Variants in PRICKLE2 observed in about 807,000 individuals in gnomAD.
The protein encoded by PRICKLE2 is prickle planar cell polarity protein 2, also known as prickle-like protein 2.
In PRICKLE2, 21 loss-of-function variants were observed where a neutral mutation model predicts 81.4. That is an observed-to-expected ratio of 0.26 (90% confidence interval 0.18 to 0.37). The LOEUF (loss-of-function observed/expected upper bound fraction) is 0.37, where lower values mean the gene tolerates loss of function less well. Among genes scored for constraint, PRICKLE2 ranks in the 10% least tolerant of loss-of-function variants. The probability of loss-of-function intolerance (pLI) is 1.00; values close to 1 mark genes in which losing one functional copy is unlikely to be tolerated. For synonymous variants in PRICKLE2, 456 were observed against 421.5 expected, an observed-to-expected ratio of 1.08 and a Z score of -1.00; for missense variants, 940 against 1,109.0, an observed-to-expected ratio of 0.85 and a Z score of 2.16.
chr3:64,164,951 C>T (rs779817886), intron 2 of PRICKLE2, among the ~76,000 whole-genome samples: 31 of 152,176 alleles, frequency 2.0e-4, no homozygotes, highest in Non-Finnish European at 3.7e-4. Context: ...TAAAAAAGCA[C>T]GCCCAGTCTC....
intron 2 of PRICKLE2, among the ~76,000 whole-genome samples, chr3:64,263,566 T>C (rs72884354): frequency 0.023 from 3,542 of 152,242 alleles, 137 homozygotes; most frequent in African/African-American, 0.08. Context: ...ATACAGAGAA[T>C]GCAGGAAGGG....
intron 2 of PRICKLE2, among the ~76,000 whole-genome samples, chr3:64,186,427 C>T (rs554774562): frequency 6.6e-6 from 1 of 152,304 alleles, no homozygotes; most frequent in East Asian, 1.9e-4. Context: ...GAAGCTTAGA[C>T]TCTCAAACAC....
chr3:64,147,606 C>T lies in PRICKLE2; in HGVS notation c.884G>A (p.Arg295Gln), dbSNP rs545235523. 4.4e-5 allele frequency: 71 copies of T among 1,614,164 alleles called. No homozygotes were observed. The highest frequency in any genetic ancestry group is 5.3e-5 in the Non-Finnish European group (63 of 1,180,042). Residue 295 changes from arginine (R) to glutamine (Q), a missense_variant, in exon 7 of 8, where the codon CGG becomes CAG. Arg to Gln is a conservative substitution (Grantham distance 43). Transcript: ENST00000638394. The surrounding 1 kb of genome is among the most constrained non-coding windows in gnomAD (Gnocchi z 5.0). Reference sequence around the variant, plus strand: ...CTGGCCCTGCTTCGGGAGGAATGGCCGCCCCAGGAGGGATTTCTTGCAGTG... The same window carrying T: ...CTGGCCCTGCTTCGGGAGGAATGGCTGCCCCAGGAGGGATTTCTTGCAGTG... ...CAHCKKSLLG[R>Q]PFLPKQGQIF...
intron 7 of PRICKLE2, among the ~76,000 whole-genome samples, chr3:64,118,391 T>A (rs2076972216): frequency 6.6e-6 from 1 of 151,946 alleles, no homozygotes; most frequent in African/African-American, 2.4e-5. Context: ...AAAGAAACTA[T>A]CAATGGAGTA....
chr3:64,150,082 G>A (rs369836227), intron 6 of PRICKLE2, among the ~76,000 whole-genome samples: 2 of 144,476 alleles, frequency 1.4e-5, no homozygotes, highest in Non-Finnish European at 3.0e-5. Context: ...AGACAACCCC[G>A]AGCGCCGTGG....
intron 7 of PRICKLE2, among the ~76,000 whole-genome samples, chr3:64,108,943 C>T (rs895703305): frequency 6.6e-6 from 1 of 152,110 alleles, no homozygotes; most frequent in African/African-American, 2.4e-5. Flanking sequence ...TCACACATCC[C>T]TCTGGTTGTG....
intron 7 of PRICKLE2, among the ~76,000 whole-genome samples, chr3:64,127,889 C>T (rs575687583): frequency 8.6e-5 from 13 of 152,042 alleles, no homozygotes; most frequent in Admixed American, 2.0e-4. Flanking sequence ...CTATCTTGAA[C>T]GTTTTCCCCT....
chr3:64,170,110 G>C (rs981096838), intron 2 of PRICKLE2, among the ~76,000 whole-genome samples: 1 of 152,142 alleles, frequency 6.6e-6, no homozygotes, highest in Non-Finnish European at 1.5e-5. Flanking sequence ...ATTGTACCAA[G>C]TTTGGCTCCT....
At chr3:64,127,800 G>A (rs2077133471) in intron 7 of PRICKLE2, among the ~76,000 whole-genome samples, 1 of 151,652 alleles carries the variant, frequency 6.6e-6, no homozygotes, top group Non-Finnish European at 1.5e-5. Flanking sequence ...ACCTGTAAAG[G>A]CAAACTTGGA....
Position 64,147,276 on chromosome 3 carries a change from T to C in PRICKLE2, c.1214A>G (p.Asn405Ser). The C allele has an allele frequency of 6.2e-7, 1 of 1,612,670 alleles. No homozygotes were observed. The highest frequency in any genetic ancestry group is 1.1e-5 in the South Asian group (1 of 91,026). Residue 405 changes from asparagine to serine, a missense_variant, in exon 7 of 8, where the codon AAC becomes AGC. By Grantham distance (46) the Asn-to-Ser change is conservative. Coordinates refer to ENST00000638394, the MANE Select transcript of PRICKLE2 (RefSeq NM_198859.4). This position sits in a 1 kb window ranked among gnomAD's most constrained non-coding sequence, Gnocchi z 5.0. ...CTGGGTCTGGTTCTGCTCCATCTTG[T>C]TCCCATAATGGTAGGGCTCTTCCCG... ...RSREEPYHYG[N>S]KMEQNQTQSP...
chr3:64,149,037 T>C (rs1320526330), intron 6 of PRICKLE2, among the ~76,000 whole-genome samples: 1 of 152,230 alleles, frequency 6.6e-6, no homozygotes, highest in Non-Finnish European at 1.5e-5. Context: ...GGAGCGTAAG[T>C]ACCCTTTGCT....
At chr3:64,157,747 C>G (rs2077660626) in intron 4 of PRICKLE2, among the ~76,000 whole-genome samples, 1 of 152,148 alleles carries the variant, frequency 6.6e-6, no homozygotes, top group African/African-American at 2.4e-5. Context: ...TTTAACACCA[C>G]CAGGAGTGGC....
At chr3:64,177,172 G>T (rs983392923) in intron 2 of PRICKLE2, among the ~76,000 whole-genome samples, 2 of 63,304 alleles carry the variant, frequency 3.2e-5, no homozygotes, top group Non-Finnish European at 2.8e-5. Flanking sequence ...TTTCACTCTT[G>T]TTGCCCAGGC....
intron 2 of PRICKLE2, among the ~76,000 whole-genome samples, chr3:64,238,661 G>A (rs897638693): frequency 2.0e-5 from 3 of 152,080 alleles, no homozygotes; most frequent in Admixed American, 6.5e-5. Flanking sequence ...GGCAGGAGGT[G>A]GGGTAAGGCA....
In PRICKLE2 at chr3:64,225,001, C is replaced by A; in HGVS notation, c.-132G>T. ...GTCCCAGTTCACTTTCTCCCTGGAT[C>A]TGACTTCTAAGAACGCAAGCAGGAC... is the stretch of plus-strand genomic sequence containing the variant. On this transcript the variant is annotated 5_prime_UTR_variant, in exon 1 of 8. Coordinates refer to ENST00000638394, the MANE Select transcript of PRICKLE2 (RefSeq NM_198859.4). 1.0e-6 allele frequency: 1 copy of A among 985,482 alleles called. No homozygotes were observed. The allele number at this position is 985,482 out of a possible 1,614,324, so 61.0% of individuals were successfully genotyped here.
intron 1 of PRICKLE2, among the ~76,000 whole-genome samples, chr3:64,205,763 C>T (rs1459001300): frequency 1.3e-5 from 2 of 152,082 alleles, no homozygotes; most frequent in Non-Finnish European, 2.9e-5. Flanking sequence ...GAGGAAAATA[C>T]ATTTTGTAAA....
intron 2 of PRICKLE2, among the ~76,000 whole-genome samples, chr3:64,178,450 G>A (rs1270227952): frequency 6.6e-6 from 1 of 152,112 alleles, no homozygotes; most frequent in African/African-American, 2.4e-5. Flanking sequence ...CTTTTTTCCT[G>A]GATATGATAC....
intron 1 of PRICKLE2, among the ~76,000 whole-genome samples, chr3:64,214,188 C>A (rs1023120334): frequency 6.6e-6 from 1 of 152,118 alleles, no homozygotes; most frequent in Admixed American, 6.5e-5. Flanking sequence ...AATGGTCACA[C>A]CCTTCAAAAC....
chr3:64,218,758 T>C (rs1398666187), intron 1 of PRICKLE2, among the ~76,000 whole-genome samples: 1 of 152,198 alleles, frequency 6.6e-6, no homozygotes, highest in Non-Finnish European at 1.5e-5. Flanking sequence ...GACTCTGGAC[T>C]TTCTGAATTT....
Sources: gnomAD v4.1 joint callset for allele counts (sites outside exome capture counted in the v4.1 genomes callset) on GRCh38, gnomAD v4.1.1 for gene constraint, Gnocchi (gnomAD v3.1) non-coding constraint, MANE v1.5 for transcripts, NCBI Gene and HGNC (gene_info 2026-07-23, HGNC 2026-07-21) for gene names.